The following SMG1 variants were observed in gnomAD, a reference collection of about 807,000 sequenced individuals.
The protein encoded by SMG1 is SMG1 nonsense mediated mRNA decay associated PI3K related kinase.
A neutral mutation model predicts 419.9 loss-of-function variants in SMG1; 22 were observed. The ratio of observed to expected loss-of-function variants is 0.05; its 90% CI spans 0.04 to 0.07. The LOEUF is 0.07. Among genes scored for constraint, SMG1 ranks in the 10% least tolerant of loss-of-function variants. The probability of loss-of-function intolerance (pLI) is 1.00; values close to 1 mark genes in which losing one functional copy is unlikely to be tolerated. For synonymous variants in SMG1, 1,538 were observed against 1,553.5 expected, an observed-to-expected ratio of 0.99 and a Z score of 0.23; for missense variants, 3,185 against 4,342.0, an observed-to-expected ratio of 0.73 and a Z score of 7.49.
In SMG1 at chr16:18,833,690, A is replaced by G. The variant is rs116144531; in HGVS notation, c.8565+514T>C. ...AACTGTCACCACAATCAAGAAAATC[A>G]GCATACCGACTACCCTACAAATTTC... On this transcript the variant is annotated intron_variant, in intron 50 of 62. Coordinates refer to ENST00000446231, the MANE Select transcript of SMG1 (RefSeq NM_015092.5). Among the ~76,000 whole-genome samples the G allele has an allele frequency of 9.9e-3, 1,513 of 152,330 alleles. 28 individuals carry two copies. Among genetic ancestry groups the G allele is most frequent in the African/African-American group, 0.034 (1,420 of 41,572 alleles).
chr16:18,833,669 G>C (rs1382675726), intron 50 of SMG1, among the ~76,000 whole-genome samples: 3 of 152,002 alleles, frequency 2.0e-5, no homozygotes, highest in Non-Finnish European at 4.4e-5. Context: ...TCATGAAACT[G>C]TCACCACAAT....
intron 1 of SMG1, among the ~76,000 whole-genome samples, chr16:18,897,432 T>G (rs186169325): frequency 3.9e-5 from 6 of 152,298 alleles, no homozygotes; most frequent in Admixed American, 3.9e-4. Context: ...ACGGGCAATG[T>G]CTTACCAAGT....
intron 6 of SMG1, among the ~76,000 whole-genome samples, chr16:18,887,829 A>C (rs2036700716): frequency 1.4e-5 from 2 of 146,648 alleles, no homozygotes; most frequent in African/African-American, 2.5e-5. Context: ...GAACACATCA[A>C]TACTATAATT....
chr16:18,865,302 C>T (rs1024974540), intron 23 of SMG1, among the ~76,000 whole-genome samples: 7 of 152,086 alleles, frequency 4.6e-5, no homozygotes, highest in South Asian at 2.1e-4. Context: ...TTTTTGCTGA[C>T]GGTGGTGGCA....
chr16:18,910,491 A>G (rs1046281390), intron 1 of SMG1, among the ~76,000 whole-genome samples: 1 of 151,680 alleles, frequency 6.6e-6, no homozygotes, highest in Non-Finnish European at 1.5e-5. Flanking sequence ...CGGACTCCCA[A>G]AGTGCTGGGA....
Position 18,899,277 on chromosome 16 carries a change from C to A in SMG1, c.93-2321G>T, listed in dbSNP as rs796775405. On this transcript the variant is annotated intron_variant, in intron 1 of 62. Coordinates refer to ENST00000446231, the MANE Select transcript of SMG1 (RefSeq NM_015092.5). The stretch of plus-strand genomic sequence containing the variant: ...CAAACTAAACTGTAAAACCAGGAGC[C>A]GCTTCCCCGTTGGTTAGAAATAAGG... Among the ~76,000 whole-genome samples the A allele has an allele frequency of 1.1e-4, 17 of 152,078 alleles. 1 individual carries two copies. Among genetic ancestry groups the A allele is most frequent in the Admixed American group, 3.3e-4 (5 of 15,254 alleles).
Position 18,882,320 on chromosome 16 carries a change from A to C in SMG1, c.1138T>G (p.Ser380Ala), listed in dbSNP as rs1362764889. ...AYAEDLSHVA[S>A]GESVDEDVPP... ...ACATCTTCATCCACTGATTCCCCAG[A>C]GGCCACATGGCTGAGGTCCTAGATG... Residue 380 changes from serine to alanine, a missense_variant, in exon 10 of 63, where the codon TCT (serine) becomes GCT (alanine). Ser to Ala is a moderately conservative substitution (Grantham distance 99). Around this residue, in one of 27 missense-constraint regions of SMG1, gnomAD observed 52 missense variants for 69.0 expected, o/e 0.75. Transcript: ENST00000446231. 3 of 1,607,720 alleles carry C rather than the reference A, an allele frequency of 1.9e-6. No homozygotes were observed. The highest frequency in any genetic ancestry group is 1.7e-6 in the Non-Finnish European group (2 of 1,177,592).
intron 55 of SMG1, among the ~76,000 whole-genome samples, chr16:18,820,060 G>A (rs1259987535): frequency 6.6e-6 from 1 of 152,066 alleles, no homozygotes; most frequent in African/African-American, 2.4e-5. Flanking sequence ...CTGTCACCTG[G>A]GTTCAAGCGA....
At chr16:18,906,644 T>G (rs1273397905) in intron 1 of SMG1, among the ~76,000 whole-genome samples, 1 of 152,146 alleles carries the variant, frequency 6.6e-6, no homozygotes, top group African/African-American at 2.4e-5. Context: ...GTATCCCATT[T>G]AAAAATACAA....
intron 1 of SMG1, among the ~76,000 whole-genome samples, chr16:18,903,628 T>C (rs747369752): frequency 6.6e-6 from 1 of 152,236 alleles, no homozygotes; most frequent in East Asian, 1.9e-4. Context: ...ACGTTTATCA[T>C]GTCATTTCAT....
intron 58 of SMG1, chr16:18,815,976 G>A (rs1008975868): frequency 4.4e-6 from 2 of 457,930 alleles, no homozygotes; most frequent in Admixed American, 4.0e-5. Context: ...AACTGTATGG[G>A]TTTGTTGGTA....
intron 60 of SMG1, 47 bp from the exon 61 acceptor site, chr16:18,812,174 G>A: frequency 6.3e-7 from 1 of 1,575,274 alleles, no homozygotes; most frequent in East Asian, 2.2e-5. Context: ...AACAGAACAT[G>A]GAGGGGGCAG....
intron 62 of SMG1, among the ~76,000 whole-genome samples, chr16:18,810,400 A>T (rs2031270433): frequency 6.6e-6 from 1 of 152,216 alleles, no homozygotes; most frequent in Non-Finnish European, 1.5e-5. Context: ...AAAAATATCA[A>T]CGGAAGAGAA....
chr16:18,919,661 C>CAT (rs779088802), intron 1 of SMG1, among the ~76,000 whole-genome samples: 346 of 17,782 alleles, frequency 0.019, 4 homozygotes, highest in Middle Eastern at 0.088. Flanking sequence ...TATATATACA[C>CAT]ACACACACAC....
In SMG1 at chr16:18,852,122, T is replaced by C. The variant is rs2034638519; in HGVS notation, c.4997A>G (p.Lys1666Arg). Residue 1666 changes from lysine to arginine, a missense_variant, in exon 33 of 63, where the codon AAA becomes AGA. Lys to Arg is a conservative substitution (Grantham distance 26). Transcript: ENST00000446231. ...LLPDTITEEE[K>R]ERIYGILGQA... ...TCCAAGAATACCATATATTCTCTCT[T>C]TCTCTTCCTCAGTTATAGTGTCTGG... is the stretch of plus-strand genomic sequence containing the variant. 1 of 1,613,828 alleles carries C rather than the reference T, an allele frequency of 6.2e-7. No homozygotes were observed. The highest frequency in any genetic ancestry group is 8.5e-7 in the Non-Finnish European group (1 of 1,179,838).
In SMG1 at chr16:18,926,091, AGTCGCCGCCC is replaced by A. The variant is rs2038394924; in HGVS notation, c.-60_-51del. The A allele has an allele frequency of 1.3e-6, 2 of 1,500,048 alleles. No individual in the cohort carries two copies. The highest frequency in any genetic ancestry group is 2.9e-5 in the African/African-American group (2 of 68,668). 92.9% of individuals were successfully genotyped at this position (1,500,048 alleles called of 1,614,324 possible). A position where few individuals can be genotyped will look rare whatever the true frequency, so the allele number is the denominator to read the frequency against. On this transcript the variant is annotated 5_prime_UTR_variant, in exon 1 of 63. Coordinates refer to ENST00000446231, the MANE Select transcript of SMG1 (RefSeq NM_015092.5). The stretch of plus-strand genomic sequence containing the variant: ...AAGCGCCGCCGCCCAAAGAAGCGCG[AGTCGCCGCCC>A]GAACCGGCCGCCGCCGACACCCCGC...
intron 4 of SMG1, 81 bp downstream of exon 4, chr16:18,892,137 T>A (rs552316841): frequency 2.1e-6 from 2 of 945,256 alleles, no homozygotes; most frequent in East Asian, 5.3e-5. Context: ...CTTTCCCCAT[T>A]CTTAAACTAC....
intron 1 of SMG1, among the ~76,000 whole-genome samples, chr16:18,902,373 A>C (rs1466463396): frequency 6.6e-6 from 1 of 152,082 alleles, no homozygotes; most frequent in African/African-American, 2.4e-5. Context: ...GCTTTCAATG[A>C]GTTCTAGTGA....
Position 18,811,983 on chromosome 16 carries a change from G to A in SMG1, c.10766C>T (p.Pro3589Leu). ...TTTAGGGTCTCTGACTGCCTTTTTA[G>A]GACTACAAGCAACACTCTTGCCAGT... The part of the protein sequence containing the change: ...PGTGKSVACS[P>L]KKAVRDPKTG... Residue 3589 changes from proline (P) to leucine (L), a missense_variant, in exon 61 of 63, where the codon CCT becomes CTT. Pro to Leu is a moderately conservative substitution (Grantham distance 98). Transcript: ENST00000446231. 6.2e-7 allele frequency: 1 copy of A among 1,613,804 alleles called. No homozygotes were observed. The highest frequency in any genetic ancestry group is 8.5e-7 in the Non-Finnish European group (1 of 1,179,818).
Sources: allele counts gnomAD v4.1 joint callset (sites outside exome capture counted in the v4.1 genomes callset), GRCh38; gene constraint gnomAD v4.1.1; regional missense constraint gnomAD v4.1.1; transcripts MANE v1.5; gene names NCBI Gene and HGNC (gene_info 2026-07-23, HGNC 2026-07-21).